RASEF: variants seen among roughly 807,000 people sequenced by gnomAD.
RASEF encodes the protein RAS and EF-hand domain containing.
In RASEF, 68 loss-of-function variants were observed where a neutral mutation model predicts 90.1. That is an observed-to-expected ratio of 0.75 (90% CI 0.62 to 0.92). The LOEUF is 0.92. Among genes scored for constraint, RASEF ranks in the 40% least tolerant of loss-of-function variants. RASEF has a pLI of 0.00. For synonymous variants in RASEF, 331 were observed against 345.2 expected (o/e 0.96, Z 0.46); for missense variants, 949 against 937.2 (o/e 1.01, Z -0.16).
upstream of RASEF, chr9:83,063,170 G>A (rs2117935780): frequency 2.7e-6 from 1 of 376,148 alleles, no homozygotes; most frequent in Non-Finnish European, 4.7e-6. Flanking sequence ...GGTGGCTCTC[G>A]CCACTTTCCC....
chr9:83,122,172 C>A, the RASEF span, among the ~76,000 whole-genome samples: 1 of 152,216 alleles, frequency 6.6e-6, no homozygotes, highest in African/African-American at 2.4e-5. Context: ...TGGCCCTGGA[C>A]CAGCTCACGT....
chr9:83,031,103 G>C (rs1220863483), intron 1 of RASEF, among the ~76,000 whole-genome samples: 2 of 152,196 alleles, frequency 1.3e-5, no homozygotes, highest in Admixed American at 1.3e-4. Context: ...AAAAATGTTT[G>C]CATTGCATGA....
chr9:83,176,850 A>T, the RASEF span, among the ~76,000 whole-genome samples: 4 of 152,096 alleles, frequency 2.6e-5, no homozygotes, highest in Non-Finnish European at 4.4e-5. Context: ...TCAAATTGTA[A>T]TATTTATTAC....
the RASEF span, among the ~76,000 whole-genome samples, chr9:83,093,605 G>A: frequency 6.6e-6 from 1 of 152,358 alleles, no homozygotes; most frequent in Middle Eastern, 3.4e-3. Context: ...TCCGAGTGTG[G>A]GGCCCGCCAA....
At chr9:83,070,930 G>A in the RASEF span, among the ~76,000 whole-genome samples, 1 of 152,170 alleles carries the variant, frequency 6.6e-6, no homozygotes, top group Non-Finnish European at 1.5e-5. Flanking sequence ...TGTTACCAGT[G>A]TATAAAAATT....
At chr9:83,013,838 C>T (rs1228839223) in intron 4 of RASEF, among the ~76,000 whole-genome samples, 4 of 152,154 alleles carry the variant, frequency 2.6e-5, no homozygotes, top group Non-Finnish European at 5.9e-5. Flanking sequence ...AATAAAATGT[C>T]AGTCATTATG....
Position 83,062,432 on chromosome 9 carries a change from C to G in RASEF, c.431+5G>C. ...TAACCTCCCGCCCCCAGCTCACACTCGCACCTGGGAATGAACTTGGCTTCG... is the reference window on the plus strand; with the variant it reads ...TAACCTCCCGCCCCCAGCTCACACTGGCACCTGGGAATGAACTTGGCTTCG... On this transcript the variant is annotated splice_donor_5th_base_variant and intron_variant, in intron 1 of 16. Coordinates refer to ENST00000376447, the MANE Select transcript of RASEF (RefSeq NM_152573.4). 6.2e-7 allele frequency: 1 copy of G among 1,612,668 alleles called. No individual in the cohort carries two copies. The highest frequency in any genetic ancestry group is 8.5e-7 in the Non-Finnish European group (1 of 1,179,416).
the RASEF span, among the ~76,000 whole-genome samples, chr9:83,213,717 T>C: frequency 6.6e-5 from 10 of 152,204 alleles, no homozygotes. Context: ...GACTTTGTTA[T>C]TTTACATATA....
intron 1 of RASEF, among the ~76,000 whole-genome samples, chr9:83,052,171 T>C (rs1323418067): frequency 7.9e-6 from 1 of 127,248 alleles, no homozygotes; most frequent in African/African-American, 3.5e-5. Flanking sequence ...ATCCATCTGG[T>C]CCTGGACTCT....
At chr9:83,025,073 G>A (rs1407020674) in intron 2 of RASEF, among the ~76,000 whole-genome samples, 5 of 152,142 alleles carry the variant, frequency 3.3e-5, no homozygotes, top group African/African-American at 7.3e-5. Context: ...AGAGGCTGAC[G>A]TTTGGACTGC....
the RASEF span, among the ~76,000 whole-genome samples, chr9:83,184,352 G>A: frequency 6.6e-6 from 1 of 152,146 alleles, no homozygotes; most frequent in East Asian, 1.9e-4. Flanking sequence ...AATAACGGAG[G>A]ATCTGATCAA....
Position 83,004,431 on chromosome 9 carries a change from A to G in RASEF, c.1202+67T>C, listed in dbSNP as rs1450216440. The G allele has an allele frequency of 1.5e-5, 14 of 925,280 alleles. No homozygotes were observed. The East Asian group carries it at 2.6e-4, about 17-fold the overall frequency. 57.3% of individuals were successfully genotyped at this position (925,280 alleles called of 1,614,324 possible). A position where few individuals can be genotyped will look rare whatever the true frequency, so the allele number is the denominator to read the frequency against. On this transcript the variant is annotated intron_variant, in intron 9 of 16. Coordinates refer to ENST00000376447, the MANE Select transcript of RASEF (RefSeq NM_152573.4). ...ATTCTATTATTTTAATCCACCTCCAAGGAAATTTACTTTCCTTTTAACTGT... is the reference window on the plus strand; with the variant it reads ...ATTCTATTATTTTAATCCACCTCCAGGGAAATTTACTTTCCTTTTAACTGT...
chr9:83,130,216 C>G, the RASEF span, among the ~76,000 whole-genome samples: 1 of 152,152 alleles, frequency 6.6e-6, no homozygotes, highest in African/African-American at 2.4e-5. Flanking sequence ...TTTTAAAATA[C>G]TTTGTAATCT....
At chr9:83,183,262 GTATATATA>G in the RASEF span, among the ~76,000 whole-genome samples, 50,454 of 149,976 alleles carry the variant, frequency 0.34, 9,991 homozygotes, top group Non-Finnish European at 0.45. Context: ...TTGTGTGTGT[GTATATATA>G]TATATATATA....
At chr9:82,990,341 A>G (rs766716966) in intron 16 of RASEF, 50 bp downstream of exon 16, 2 of 1,248,254 alleles carry the variant, frequency 1.6e-6, no homozygotes, top group East Asian at 2.3e-5. Flanking sequence ...GAAATGTGTC[A>G]TATGCAACAA....
At chr9:83,108,211 A>G in the RASEF span, among the ~76,000 whole-genome samples, 2 of 152,126 alleles carry the variant, frequency 1.3e-5, no homozygotes, top group Non-Finnish European at 2.9e-5. Context: ...AGATGTGTTC[A>G]TTTTACCCCT....
intron 1 of RASEF, among the ~76,000 whole-genome samples, chr9:83,062,006 G>T (rs1393971719): frequency 6.6e-6 from 1 of 152,188 alleles, no homozygotes; most frequent in African/African-American, 2.4e-5. Flanking sequence ...TTAGGAAAAC[G>T]ACAAATCAGA....
chr9:83,115,163 C>T, the RASEF span, among the ~76,000 whole-genome samples: 43 of 152,034 alleles, frequency 2.8e-4, no homozygotes, highest in African/African-American at 7.7e-4. Flanking sequence ...GAATTTCACC[C>T]GATATCTAGC....
chr9:83,150,115 A>C, the RASEF span, among the ~76,000 whole-genome samples: 1 of 152,140 alleles, frequency 6.6e-6, no homozygotes, highest in African/African-American at 2.4e-5. Flanking sequence ...GCAGCACTGT[A>C]CTCACTATTC....
Sources: allele counts gnomAD v4.1 joint callset (sites outside exome capture counted in the v4.1 genomes callset), GRCh38; gene constraint gnomAD v4.1.1; transcripts MANE v1.5; gene names NCBI Gene and HGNC (gene_info 2026-07-23, HGNC 2026-07-21).